The following RIC8B variants were observed in gnomAD, a reference collection of about 807,000 sequenced individuals.
RIC8B encodes chaperone Ric-8B.
Under a neutral mutation model 57.5 loss-of-function variants are expected in RIC8B, and 16 were observed. That is an observed-to-expected ratio of 0.28 (90% confidence interval 0.19 to 0.42). RIC8B has a LOEUF of 0.42. Ranked by LOEUF, RIC8B falls within the 10% of genes least tolerant of loss-of-function variation. The pLI is 1.00. For missense variants in RIC8B, 481 were observed against 677.0 expected (o/e 0.71, Z 3.21); for synonymous variants, 216 against 250.8 (o/e 0.86, Z 1.31).
chr12:106,828,246 C>T (rs1439583398), intron 4 of RIC8B, among the ~76,000 whole-genome samples: 3 of 152,184 alleles, frequency 2.0e-5, no homozygotes, highest in Non-Finnish European at 4.4e-5. Flanking sequence ...AACAGTTTAT[C>T]TGGAATGGCC....
chr12:106,796,911 A>G (rs572110231), intron 2 of RIC8B, among the ~76,000 whole-genome samples: 66 of 152,384 alleles, frequency 4.3e-4, no homozygotes, highest in African/African-American at 1.6e-3. Context: ...ACAAATGGTC[A>G]GTAAAGATGC....
intron 8 of RIC8B, chr12:106,868,497 A>G (rs2136569274): frequency 2.9e-6 from 1 of 339,306 alleles, no homozygotes; most frequent in Non-Finnish European, 5.8e-6. Flanking sequence ...GTGGCAGAAG[A>G]GAAACCAGTG....
chr12:106,827,830 C>T (rs529063972), intron 4 of RIC8B, among the ~76,000 whole-genome samples: 1 of 151,936 alleles, frequency 6.6e-6, no homozygotes, highest in East Asian at 1.9e-4. Flanking sequence ...CTTATAAGCC[C>T]AAGAGTAAAT....
chr12:106,814,647 G>A, intron 2 of RIC8B, 49 bp from the exon 3 acceptor site: 2 of 1,531,496 alleles, frequency 1.3e-6, no homozygotes, highest in Non-Finnish European at 1.8e-6. Flanking sequence ...TCTGTGTTAA[G>A]TCATTTGAGC....
chr12:106,883,338 A>G (rs1261421380), intron 9 of RIC8B, among the ~76,000 whole-genome samples: 1 of 152,190 alleles, frequency 6.6e-6, no homozygotes, highest in East Asian at 1.9e-4. Flanking sequence ...AATCAGAACT[A>G]GGAATTTATT....
At chr12:106,809,522 C>CAAAA (rs201411394) in intron 2 of RIC8B, among the ~76,000 whole-genome samples, 1,378 of 105,356 alleles carry the variant, frequency 0.013, 13 homozygotes, top group African/African-American at 0.033. Flanking sequence ...ACTCTTGTCT[C>CAAAA]AAAAAAAAAA....
rs182334726 is a variant in RIC8B, at chr12:106,819,432, A to T, written c.741+4128A>T. Among the ~76,000 whole-genome samples the T allele has an allele frequency of 3.3e-5, 5 of 152,288 alleles. No individual in the cohort carries two copies. In the East Asian group the frequency reaches 9.6e-4, roughly 29 times the overall value. ...ACTTCTTGTGAAATAATACATACTT[A>T]TAAGTATAAAGAGACCTATGAAAAT... is the stretch of plus-strand genomic sequence containing the variant. On this transcript the variant is annotated intron_variant, in intron 3 of 9. Transcript: ENST00000392837.
intron 2 of RIC8B, among the ~76,000 whole-genome samples, chr12:106,809,984 A>G (rs1309080293): frequency 1.3e-5 from 2 of 151,936 alleles, no homozygotes; most frequent in African/African-American, 4.8e-5. Flanking sequence ...TATCCACCAC[A>G]AAGCCACTTC....
intron 3 of RIC8B, 60 bp downstream of exon 3, chr12:106,815,364 G>T: frequency 6.7e-7 from 1 of 1,500,530 alleles, no homozygotes; most frequent in Non-Finnish European, 8.9e-7. Flanking sequence ...GACATCCCTA[G>T]AGTTTCCTGC....
chr12:106,800,685 G>A (rs942415288), intron 2 of RIC8B, among the ~76,000 whole-genome samples: 12 of 152,132 alleles, frequency 7.9e-5, no homozygotes, highest in Non-Finnish European at 1.5e-4. Context: ...TTTCATACGT[G>A]CTTGGGCTAT....
intron 9 of RIC8B, 76 bp downstream of exon 9, chr12:106,871,018 C>G: frequency 7.3e-7 from 1 of 1,374,912 alleles, no homozygotes; most frequent in Non-Finnish European, 9.8e-7. Flanking sequence ...TGAGAGTTAC[C>G]ATAGAACAGC....
intron 2 of RIC8B, among the ~76,000 whole-genome samples, chr12:106,801,615 G>C (rs1041308178): frequency 2.6e-5 from 4 of 152,078 alleles, no homozygotes; most frequent in Non-Finnish European, 5.9e-5. Context: ...ACCCTCAAGT[G>C]TATATAATAT....
rs562861298 is a variant in RIC8B at position 106,859,447 on chromosome 12, C to CT, written c.1307-811dup. On this transcript the variant is annotated intron_variant, in intron 7 of 9. Transcript: ENST00000392837. The stretch of plus-strand genomic sequence containing the variant: ...TGAACCAAACTTTTCATTAGGCTTC[C>CT]TTTTTTTTTTAAACTAAGATAATTC... 8.1e-5 allele frequency among the ~76,000 whole-genome samples: 12 copies of CT among 148,684 alleles called. No individual in the cohort carries two copies. The South Asian group carries it at 1.3e-3, about 16-fold the overall frequency.
chr12:106,832,496 G>C lies in RIC8B; in HGVS notation c.836+6676G>C, dbSNP rs370698575. The stretch of plus-strand genomic sequence containing the variant: ...GCCGGAGAATCGCTTGAACCTGGGG[G>C]GCTGAGATTGCAGTGAGCTGAGATG... On this transcript the variant is annotated intron_variant, in intron 4 of 9. Transcript: ENST00000392837. Among the ~76,000 whole-genome samples, 14 of 152,022 alleles carry C rather than the reference G, an allele frequency of 9.2e-5. No homozygotes were observed. In the East Asian group the frequency reaches 1.6e-3, roughly 17 times the overall value.
At chr12:106,884,971 A>G (rs994293259) in intron 9 of RIC8B, among the ~76,000 whole-genome samples, 1 of 152,146 alleles carries the variant, frequency 6.6e-6, no homozygotes, top group African/African-American at 2.4e-5. Flanking sequence ...TTCTGTGATA[A>G]ATAAGTTTTA....
chr12:106,823,602 A>G (rs1182144877), intron 3 of RIC8B, among the ~76,000 whole-genome samples: 2 of 152,210 alleles, frequency 1.3e-5, no homozygotes, highest in African/African-American at 4.8e-5. Context: ...TCCCTAGTTA[A>G]TTTTTAAAAC....
At chr12:106,864,568 G>A (rs554156248) in intron 8 of RIC8B, among the ~76,000 whole-genome samples, 4 of 152,266 alleles carry the variant, frequency 2.6e-5, no homozygotes, top group Admixed American at 6.5e-5. Flanking sequence ...TCGTTAAGTG[G>A]TCAGGCAGCC....
chr12:106,831,407 C>T lies in RIC8B; in HGVS notation c.836+5587C>T, dbSNP rs1054583485. On this transcript the variant is annotated intron_variant, in intron 4 of 9. Transcript: ENST00000392837. The stretch of plus-strand genomic sequence containing the variant: ...CAGTCTTATGTAGAAAATCTGTTTC[C>T]CCTGGTCAGTTCCCACTTTCATCCT... Among the ~76,000 whole-genome samples, 10 of 152,186 alleles carry T rather than the reference C, an allele frequency of 6.6e-5. 1 individual carries two copies. The highest frequency in any genetic ancestry group is 1.3e-4 in the Admixed American group (2 of 15,290).
intron 4 of RIC8B, among the ~76,000 whole-genome samples, chr12:106,840,473 C>T (rs1482263538): frequency 6.6e-6 from 1 of 152,066 alleles, no homozygotes; most frequent in African/African-American, 2.4e-5. Context: ...CAGATCTGTG[C>T]ATAGTCACTG....
Sources: gnomAD v4.1 joint callset for allele counts (sites outside exome capture counted in the v4.1 genomes callset) on GRCh38, gnomAD v4.1.1 for gene constraint, MANE v1.5 for transcripts, NCBI Gene and HGNC (gene_info 2026-07-23, HGNC 2026-07-21) for gene names.